The following PLEKHA7 variants were observed in gnomAD, a reference collection of about 807,000 sequenced individuals.
The protein encoded by PLEKHA7 is pleckstrin homology domain-containing family A member 7.
In PLEKHA7, 104 loss-of-function variants were observed where a neutral mutation model predicts 170.0. The observed-to-expected ratio is 0.61, with a 90% CI of 0.52 to 0.72. PLEKHA7 has a LOEUF of 0.72. Ranked by LOEUF, PLEKHA7 falls within the 30% of genes least tolerant of loss-of-function variation. The probability of loss-of-function intolerance (pLI) is 0.00; values close to 1 mark genes in which losing one functional copy is unlikely to be tolerated. For synonymous variants in PLEKHA7, 648 were observed against 660.8 expected, an observed-to-expected ratio of 0.98 and a Z score of 0.30; for missense variants, 1,615 against 1,671.7, an observed-to-expected ratio of 0.97 and a Z score of 0.59.
chr11:16,852,399 T>C (rs575568364), intron 6 of PLEKHA7, 44 bp from the exon 7 acceptor site: 19 of 1,563,730 alleles, frequency 1.2e-5, no homozygotes, highest in East Asian at 4.5e-5. Flanking sequence ...CTGAGCATAC[T>C]GTTGTCCCTT....
At chr11:16,948,528 G>C (rs186869435) in intron 3 of PLEKHA7, among the ~76,000 whole-genome samples, 2 of 152,152 alleles carry the variant, frequency 1.3e-5, no homozygotes, top group Non-Finnish European at 2.9e-5. Context: ...TAATGATGAG[G>C]AAGAAAGAAT....
Position 16,969,485 on chromosome 11 carries a change from T to C in PLEKHA7, c.221+44504A>G, listed in dbSNP as rs565081067. Among the ~76,000 whole-genome samples, 47 of 152,276 alleles carry C rather than the reference T, an allele frequency of 3.1e-4. No homozygotes were observed. The South Asian group carries it at 9.6e-3, about 31-fold the overall frequency. On this transcript the variant is annotated intron_variant, in intron 3 of 26. Coordinates refer to ENST00000531066, the MANE Select transcript of PLEKHA7 (RefSeq NM_001329630.2). ...GAGGAAAAGACAGATGATGATCCCA[T>C]GCTATTCTGAGCTGGCCAGTCACCA...
intron 3 of PLEKHA7, among the ~76,000 whole-genome samples, chr11:16,900,692 G>A (rs1486718641): frequency 2.6e-5 from 4 of 152,134 alleles, no homozygotes; most frequent in African/African-American, 9.7e-5. Flanking sequence ...GGATGAAAGG[G>A]AGGAGGCTTT....
At position 17,014,233 on chromosome 11, in the gene PLEKHA7, G is replaced by A. The variant is rs771192570; in HGVS notation, c.87-32C>T. 2.8e-6 allele frequency: 4 copies of A among 1,445,592 alleles called. 1 individual carries two copies. The South Asian group carries it at 6.1e-5, about 22-fold the overall frequency. 89.5% of individuals were successfully genotyped at this position (1,445,592 alleles called of 1,614,324 possible). A position where few individuals can be genotyped will look rare whatever the true frequency, so the allele number is the denominator to read the frequency against. ...GCAGAGAGGTGCACCTGTTAGCGCC[G>A]CCACAGCCCGCCGGGTGCCCGCCCG... On this transcript the variant is annotated intron_variant, in intron 1 of 26. Transcript: ENST00000531066.
At chr11:16,854,158 A>C (rs565252058) in intron 6 of PLEKHA7, among the ~76,000 whole-genome samples, 11 of 152,300 alleles carry the variant, frequency 7.2e-5, no homozygotes, top group South Asian at 2.1e-4. Flanking sequence ...ACTGGCAAGG[A>C]GAGAAGGAGA....
At position 16,783,711 on chromosome 11, in the gene PLEKHA7, G is replaced by A. The variant is rs1358395244; in HGVS notation, c.3639C>T (p.Leu1213=). The change falls in exon 25 of 27, where the codon CTC becomes CTT. Residue 1213 remains leucine (L), a synonymous_variant. Coordinates refer to ENST00000531066, the MANE Select transcript of PLEKHA7 (RefSeq NM_001329630.2). ...AAGCGAGGGCTGACCTTGACCGGGCGAGGATGTTGCGGATCTTCTCGGCTT... is the reference window on the plus strand; with the variant it reads ...AAGCGAGGGCTGACCTTGACCGGGCAAGGATGTTGCGGATCTTCTCGGCTT... ...YRKAEKIRNI[L]ARSSMCNLQP... 9.5e-6 allele frequency: 14 copies of A among 1,469,006 alleles called. No individual in the cohort carries two copies. Among genetic ancestry groups the A allele is most frequent in the African/African-American group, 4.3e-5 (3 of 70,038 alleles). The allele number at this position is 1,469,006 out of a possible 1,614,324, so 91.0% of individuals were successfully genotyped here.
At chr11:16,822,373 C>T (rs980589645) in intron 10 of PLEKHA7, among the ~76,000 whole-genome samples, 2 of 151,994 alleles carry the variant, frequency 1.3e-5, no homozygotes, top group African/African-American at 4.8e-5. Flanking sequence ...CATCTAAGCC[C>T]ATCAAGCAGC....
chr11:16,826,869 T>G (rs1207717671), intron 9 of PLEKHA7, among the ~76,000 whole-genome samples: 1 of 152,052 alleles, frequency 6.6e-6, no homozygotes, highest in African/African-American at 2.4e-5. Context: ...ACCATAACTT[T>G]GTTTACTCAT....
intron 3 of PLEKHA7, among the ~76,000 whole-genome samples, chr11:16,984,905 A>C (rs1863636086): frequency 6.6e-6 from 1 of 152,254 alleles, no homozygotes. Context: ...ACTGAAGCTC[A>C]GAAAAGTTGA....
chr11:16,829,467 A>T (rs2135027866), intron 9 of PLEKHA7, among the ~76,000 whole-genome samples: 1 of 152,324 alleles, frequency 6.6e-6, no homozygotes, highest in East Asian at 1.9e-4. Context: ...AAATTCCAGT[A>T]GGAGGAAAAT....
intron 3 of PLEKHA7, among the ~76,000 whole-genome samples, chr11:16,960,422 G>C (rs959829268): frequency 5.3e-5 from 8 of 152,170 alleles, no homozygotes; most frequent in Admixed American, 1.3e-4. Context: ...AACGTTGCCT[G>C]AGCTCTGAGT....
At chr11:16,943,068 C>T (rs1317811436) in intron 3 of PLEKHA7, among the ~76,000 whole-genome samples, 4 of 152,140 alleles carry the variant, frequency 2.6e-5, no homozygotes, top group Non-Finnish European at 5.9e-5. Context: ...AAGCTGACTC[C>T]CAAAGCTAAC....
chr11:16,914,198 C>T (rs1054677748), intron 3 of PLEKHA7, among the ~76,000 whole-genome samples: 7 of 152,066 alleles, frequency 4.6e-5, no homozygotes, highest in African/African-American at 4.8e-5. Flanking sequence ...TTTACCAAAA[C>T]GTTAGCAGTA....
At chr11:16,824,737 G>C (rs1850502237) in intron 10 of PLEKHA7, among the ~76,000 whole-genome samples, 1 of 152,120 alleles carries the variant, frequency 6.6e-6, no homozygotes, top group Non-Finnish European at 1.5e-5. Flanking sequence ...TCACTTACCT[G>C]CTTAAAACCT....
chr11:16,911,994 G>A (rs748669152), intron 3 of PLEKHA7, among the ~76,000 whole-genome samples: 65 of 152,124 alleles, frequency 4.3e-4, no homozygotes, highest in Non-Finnish European at 9.3e-4. Context: ...TTCCCATCAA[G>A]CCAATCCCTC....
intron 3 of PLEKHA7, among the ~76,000 whole-genome samples, chr11:16,903,236 CACAGCTCTATAATT>C (rs1857448878): frequency 6.6e-6 from 1 of 152,188 alleles, no homozygotes; most frequent in African/African-American, 2.4e-5. Context: ...AGGTCTTAGT[CACAGCTCTATAATT>C]ACAGCCATGC....
At chr11:16,842,468 A>G (rs964506757) in intron 8 of PLEKHA7, 1 of 152,172 alleles carries the variant, frequency 6.6e-6, no homozygotes, top group Non-Finnish European at 1.5e-5. Flanking sequence ...GTCCCCTGCT[A>G]GAACCTCCAA....
chr11:16,931,669 G>T (rs1246740228), intron 3 of PLEKHA7, among the ~76,000 whole-genome samples: 1 of 151,610 alleles, frequency 6.6e-6, no homozygotes, highest in Non-Finnish European at 1.5e-5. Flanking sequence ...GGCTGAGAAT[G>T]CCTTGAACCC....
chr11:16,958,289 C>G (rs1861832800), intron 3 of PLEKHA7, among the ~76,000 whole-genome samples: 1 of 151,980 alleles, frequency 6.6e-6, no homozygotes, highest in African/African-American at 2.4e-5. Flanking sequence ...TGCATTCCAG[C>G]CTGGGCAACA....
Sources: gnomAD v4.1 joint callset for allele counts (sites outside exome capture counted in the v4.1 genomes callset) on GRCh38, gnomAD v4.1.1 for gene constraint, MANE v1.5 for transcripts, NCBI Gene and HGNC (gene_info 2026-07-23, HGNC 2026-07-21) for gene names.